ZNF624: variants seen among roughly 807,000 people sequenced by gnomAD.
ZNF624 encodes the protein zinc finger protein 624.
ZNF624 carries 43 observed loss-of-function variants against 74.7 expected under a neutral mutation model. The ratio of observed to expected loss-of-function variants is 0.58; its 90% CI spans 0.45 to 0.74. The LOEUF (loss-of-function observed/expected upper bound fraction) is 0.74. ZNF624 is among the 30% of genes least tolerant of loss of function. The pLI is 0.00. For synonymous variants in ZNF624, 331 were observed against 341.3 expected, an observed-to-expected ratio of 0.97 and a Z score of 0.33; for missense variants, 820 against 1,030.0, an observed-to-expected ratio of 0.80 and a Z score of 2.79.
At chr17:16,629,624 G>C (rs910809454) in intron 5 of ZNF624, among the ~76,000 whole-genome samples, 3 of 152,104 alleles carry the variant, frequency 2.0e-5, no homozygotes, top group African/African-American at 7.2e-5. Flanking sequence ...CTGGAGTGCA[G>C]TGGGCAATCT....
At chr17:16,630,809 T>C (rs1247664826) in intron 5 of ZNF624, among the ~76,000 whole-genome samples, 1 of 150,742 alleles carries the variant, frequency 6.6e-6, no homozygotes, top group Admixed American at 6.6e-5. Context: ...ATTTACATAA[T>C]AACACAGCTT....
At chr17:16,634,864 G>C in intron 3 of ZNF624, 108 bp from the exon 4 acceptor site, 3 of 1,004,950 alleles carry the variant, frequency 3.0e-6, no homozygotes, top group East Asian at 2.5e-5. Context: ...ATCACCAAAT[G>C]ATCATGTAGG....
chr17:16,621,921 T>C lies in ZNF624; in HGVS notation c.*367A>G, dbSNP rs751783840. 7 of 157,020 alleles carry C rather than the reference T, an allele frequency of 4.5e-5. No individual in the cohort carries two copies. The highest frequency in any genetic ancestry group is 4.2e-5 in the Non-Finnish European group (3 of 71,388). The allele number at this position is 157,020 out of a possible 1,614,324, so 9.7% of individuals were successfully genotyped here. ...ATGCTAGATTAAGAAAAACATCTGC[T>C]ACATAATGACAAAGGATTAATATCA... On this transcript the variant is annotated 3_prime_UTR_variant, in exon 6 of 6. Transcript: ENST00000311331.
intron 3 of ZNF624, among the ~76,000 whole-genome samples, chr17:16,644,499 T>C (rs532031645): frequency 6.6e-6 from 1 of 152,354 alleles, no homozygotes; most frequent in South Asian, 2.1e-4. Flanking sequence ...GGAAACCTAA[T>C]ATATAATACC....
intron 5 of ZNF624, among the ~76,000 whole-genome samples, chr17:16,629,543 ATTTATT>A (rs1909157082): frequency 6.6e-6 from 1 of 151,702 alleles, no homozygotes; most frequent in Admixed American, 6.6e-5. Context: ...TGATTTTTAT[ATTTATT>A]TTTATTTATT....
intron 3 of ZNF624, among the ~76,000 whole-genome samples, chr17:16,643,030 T>C (rs1055891270): frequency 2.6e-5 from 4 of 152,200 alleles, no homozygotes; most frequent in Admixed American, 1.3e-4. Context: ...ATATCAAGCG[T>C]TGTTGAAGAA....
downstream of ZNF624, chr17:16,617,510 C>A: frequency 6.3e-7 from 1 of 1,593,590 alleles, no homozygotes; most frequent in Non-Finnish European, 8.6e-7. Flanking sequence ...TCCTTTAAAT[C>A]TCTCCAACTG....
At chr17:16,647,633 A>G (rs1238000441) in intron 2 of ZNF624, among the ~76,000 whole-genome samples, 1 of 152,236 alleles carries the variant, frequency 6.6e-6, no homozygotes, top group African/African-American at 2.4e-5. Flanking sequence ...TTAAAAAAGA[A>G]CCTATCAAAA....
chr17:16,617,918 A>G (rs1908825493), downstream of ZNF624: 3 of 1,359,448 alleles, frequency 2.2e-6, no homozygotes, highest in Non-Finnish European at 1.0e-6. Context: ...CTGGTTGTGG[A>G]ACGGCGGACC....
intron 3 of ZNF624, among the ~76,000 whole-genome samples, chr17:16,636,543 CA>C (rs1315635610): frequency 1.3e-5 from 2 of 152,022 alleles, no homozygotes; most frequent in African/African-American, 2.4e-5. Flanking sequence ...TTTTAAAAAT[CA>C]AAAATCTCAG....
downstream of ZNF624, chr17:16,620,733 C>A (rs16959870): frequency 6.6e-6 from 1 of 151,758 alleles, no homozygotes; most frequent in Non-Finnish European, 1.5e-5. Flanking sequence ...AAACGCACAA[C>A]GAAAATATTT....
intron 3 of ZNF624, among the ~76,000 whole-genome samples, chr17:16,637,210 T>G (rs1030438877): frequency 2.0e-5 from 3 of 152,038 alleles, no homozygotes; most frequent in South Asian, 2.1e-4. Context: ...CACTGCTCAA[T>G]GAAATAAAAG....
intron 3 of ZNF624, among the ~76,000 whole-genome samples, chr17:16,647,014 C>T (rs929615714): frequency 3.3e-5 from 5 of 152,192 alleles, no homozygotes; most frequent in African/African-American, 1.2e-4. Flanking sequence ...CATCTTAACA[C>T]TATTTCCACA....
At chr17:16,625,132 T>C (rs965381238) in intron 5 of ZNF624, among the ~76,000 whole-genome samples, 1 of 152,220 alleles carries the variant, frequency 6.6e-6, no homozygotes, top group East Asian at 1.9e-4. Context: ...ACTTCCTTGC[T>C]TTCTATTTAC....
In ZNF624 at chr17:16,624,094, A is replaced by G; in HGVS notation, c.792T>C (p.Thr264=). ...CCTTATTATTGGATTTTTTCCCCAA[A>G]GTTAGTTCTGAAGTCTGCCTTATGG... ...SKAIRQTSEL[T]LGKKSNNKEK... is the part of the protein sequence containing the mutation. The change falls in exon 6 of 6, where the codon ACT becomes ACC. Residue 264 remains threonine, a synonymous_variant. Transcript: ENST00000311331. 4.3e-6 allele frequency: 7 copies of G among 1,614,128 alleles called. No individual in the cohort carries two copies. Among genetic ancestry groups the G allele is most frequent in the Non-Finnish European group, 5.1e-6 (6 of 1,180,002 alleles).
chr17:16,622,824 G>T lies in ZNF624; in HGVS notation c.2062C>A (p.Arg688=). The T allele has an allele frequency of 1.2e-6, 2 of 1,613,542 alleles. No individual in the cohort carries two copies. Among genetic ancestry groups the T allele is most frequent in the East Asian group, 4.5e-5 (2 of 44,844 alleles). The change falls in exon 6 of 6, where the codon CGA becomes AGA. Residue 688 remains arginine, a synonymous_variant. Coordinates refer to ENST00000311331, the MANE Select transcript of ZNF624 (RefSeq NM_020787.4). The stretch of plus-strand genomic sequence containing the variant: ...TAGGGCTTCTCTCCAGTATGCCTTC[G>T]TTGGTGCACGGTAAGCTGTGATGTA... ...TNTSQLTVHQ[R]RHTGEKPYKC...
chr17:16,649,567 CG>C, intron 2 of ZNF624, 90 bp downstream of exon 2: 4 of 1,151,328 alleles, frequency 3.5e-6, no homozygotes, highest in Non-Finnish European at 3.9e-6. Flanking sequence ...GAAGGGGTGT[CG>C]GGGGAAGTAG....
At chr17:16,627,011 C>G (rs1043425346) in intron 5 of ZNF624, among the ~76,000 whole-genome samples, 2 of 151,854 alleles carry the variant, frequency 1.3e-5, no homozygotes, top group Admixed American at 6.6e-5. Flanking sequence ...GCCGAGATCA[C>G]GCCACTGCAC....
intron 3 of ZNF624, among the ~76,000 whole-genome samples, chr17:16,641,307 AG>A (rs540092148): frequency 1.3e-5 from 2 of 151,426 alleles, no homozygotes; most frequent in East Asian, 3.9e-4. Flanking sequence ...TTTTGGATAC[AG>A]GATCTTGCTC....
Sources: gnomAD v4.1 joint callset for allele counts (sites outside exome capture counted in the v4.1 genomes callset) on GRCh38, gnomAD v4.1.1 for gene constraint, MANE v1.5 for transcripts, NCBI Gene and HGNC (gene_info 2026-07-23, HGNC 2026-07-21) for gene names.